Variants in UST observed in about 807,000 individuals in gnomAD.
The protein encoded by UST is uronyl 2-sulfotransferase.
UST carries 21 observed loss-of-function variants against 45.6 expected under a neutral mutation model. The observed-to-expected ratio is 0.46, with a 90% confidence interval of 0.33 to 0.66. The LOEUF (loss-of-function observed/expected upper bound fraction) is 0.66. Among genes scored for constraint, UST ranks in the 30% least tolerant of loss-of-function variants. The probability of loss-of-function intolerance (pLI) is 0.02; values close to 1 mark genes in which losing one functional copy is unlikely to be tolerated. For missense variants in UST, 463 were observed against 512.4 expected, an observed-to-expected ratio of 0.90 and a Z score of 0.93; for synonymous variants, 215 against 200.6, an observed-to-expected ratio of 1.07 and a Z score of -0.61.
chr6:148,902,503 T>C (rs566673768), intron 2 of UST, among the ~76,000 whole-genome samples: 1 of 152,136 alleles, frequency 6.6e-6, no homozygotes, highest in East Asian at 1.9e-4. Context: ...CCCAAAGTGC[T>C]AGGATTACAG....
chr6:148,979,641 A>G (rs1781090891), intron 5 of UST, among the ~76,000 whole-genome samples: 1 of 152,238 alleles, frequency 6.6e-6, no homozygotes, highest in Admixed American at 6.5e-5. Context: ...GTCCTTGAAA[A>G]GAATGTTGAT....
At chr6:148,968,120 T>G (rs551584729) in intron 5 of UST, among the ~76,000 whole-genome samples, 2 of 152,216 alleles carry the variant, frequency 1.3e-5, no homozygotes, top group Non-Finnish European at 2.9e-5. Flanking sequence ...TCAGACCTTA[T>G]GTTCCTGAAG....
At position 148,975,172 on chromosome 6, in the gene UST, C is replaced by T. The variant is rs1189840736; in HGVS notation, c.681+10609C>T. The stretch of plus-strand genomic sequence containing the variant: ...GCCGAGACCAGTCTTGATGACCGCT[C>T]ATCTTTATTTCTCTTGGTAACTATT... On this transcript the variant is annotated intron_variant, in intron 5 of 7. Transcript: ENST00000367463. 3.9e-5 allele frequency among the ~76,000 whole-genome samples: 6 copies of T among 152,324 alleles called. No individual in the cohort carries two copies. In the East Asian group the frequency reaches 7.7e-4, roughly 20 times the overall value.
In UST at chr6:149,074,294, A is replaced by G. The variant is rs1469365687; in HGVS notation, c.*178A>G. ...TTGCGGGTTTTATTTGTTTAATTTTATTCTGTGTTTTCTCTTGGCTCTTTG... is the reference window on the plus strand; with the variant it reads ...TTGCGGGTTTTATTTGTTTAATTTTGTTCTGTGTTTTCTCTTGGCTCTTTG... On this transcript the variant is annotated 3_prime_UTR_variant, in exon 8 of 8. Transcript: ENST00000367463. 2 of 692,464 alleles carry G rather than the reference A, an allele frequency of 2.9e-6. No homozygotes were observed. The highest frequency in any genetic ancestry group is 4.7e-6 in the Non-Finnish European group (2 of 424,232). The allele number at this position is 692,464 out of a possible 1,614,324, so 42.9% of individuals were successfully genotyped here.
rs559555418 is a variant in UST at position 148,973,376 on chromosome 6, T to C, written c.681+8813T>C. 5.3e-5 allele frequency among the ~76,000 whole-genome samples: 8 copies of C among 152,322 alleles called. No individual in the cohort carries two copies. The South Asian group carries it at 1.7e-3, about 32-fold the overall frequency. Reference sequence around the variant, plus strand: ...GCATCTGGACATCTTTTTATTTAGGTTGACGAGGCACTTGGAGTCCATTGC... The same window carrying C: ...GCATCTGGACATCTTTTTATTTAGGCTGACGAGGCACTTGGAGTCCATTGC... On this transcript the variant is annotated intron_variant, in intron 5 of 7. Transcript: ENST00000367463.
intron 5 of UST, among the ~76,000 whole-genome samples, chr6:149,004,407 G>A (rs999031968): frequency 6.6e-6 from 1 of 152,190 alleles, no homozygotes; most frequent in African/African-American, 2.4e-5. Flanking sequence ...GAGAAGTGGG[G>A]AGCAGTGTAA....
chr6:148,983,933 C>T (rs762924037), intron 5 of UST, among the ~76,000 whole-genome samples: 4 of 152,154 alleles, frequency 2.6e-5, no homozygotes, highest in East Asian at 1.9e-4. Context: ...TACAAACACA[C>T]GATAACATCG....
At chr6:148,813,049 T>C (rs1777288297) in intron 1 of UST, among the ~76,000 whole-genome samples, 1 of 152,264 alleles carries the variant, frequency 6.6e-6, no homozygotes, top group East Asian at 1.9e-4. Flanking sequence ...TTCATGTATA[T>C]ATACACACAT....
intron 5 of UST, among the ~76,000 whole-genome samples, chr6:148,975,742 C>T (rs1056953273): frequency 5.3e-5 from 8 of 152,186 alleles, no homozygotes; most frequent in Admixed American, 3.9e-4. Flanking sequence ...AAAAATTAGA[C>T]CGTTAAGGAA....
chr6:148,970,242 C>G (rs947451048), intron 5 of UST, among the ~76,000 whole-genome samples: 1 of 152,086 alleles, frequency 6.6e-6, no homozygotes, highest in African/African-American at 2.4e-5. Context: ...AGAGGAGGGA[C>G]CAACAAAGGG....
At chr6:149,073,741 A>C (rs769686729) in intron 7 of UST, 92 bp from the exon 8 acceptor site, 10 of 1,470,126 alleles carry the variant, frequency 6.8e-6, no homozygotes, top group Non-Finnish European at 9.2e-6. Context: ...CTTAGGTGCT[A>C]CCAGAGTTGT....
intron 2 of UST, among the ~76,000 whole-genome samples, chr6:148,916,611 C>T (rs970587625): frequency 2.2e-4 from 33 of 152,256 alleles, no homozygotes; most frequent in Non-Finnish European, 3.1e-4. Flanking sequence ...TCTGAGCTCC[C>T]GTCCTCCTTT....
chr6:149,021,847 C>T (rs1223723687), intron 7 of UST, among the ~76,000 whole-genome samples: 2 of 152,118 alleles, frequency 1.3e-5, no homozygotes, highest in Non-Finnish European at 2.9e-5. Context: ...CAAATGAATC[C>T]GTGTGTGTGC....
chr6:148,975,420 AT>A (rs1193476100), intron 5 of UST, among the ~76,000 whole-genome samples: 1 of 152,100 alleles, frequency 6.6e-6, no homozygotes, highest in Non-Finnish European at 1.5e-5. Context: ...TGCACGTGCA[AT>A]TTCAACATAT....
chr6:149,022,880 G>A (rs569780174), intron 7 of UST, among the ~76,000 whole-genome samples: 1 of 152,214 alleles, frequency 6.6e-6, no homozygotes, highest in East Asian at 1.9e-4. Flanking sequence ...TACCTGAGTG[G>A]GGTTGTGAAA....
intron 1 of UST, among the ~76,000 whole-genome samples, chr6:148,800,550 G>A (rs1257671952): frequency 7.2e-6 from 1 of 139,800 alleles, no homozygotes. Flanking sequence ...TGTGACCTGC[G>A]TTACTGGTTA....
chr6:149,047,883 A>G (rs1282239619), intron 7 of UST, among the ~76,000 whole-genome samples: 1 of 152,236 alleles, frequency 6.6e-6, no homozygotes, highest in East Asian at 1.9e-4. Flanking sequence ...TTGCCCAACA[A>G]GATTCAAAAA....
chr6:149,006,742 G>A (rs1187052546), intron 5 of UST, among the ~76,000 whole-genome samples: 1 of 152,144 alleles, frequency 6.6e-6, no homozygotes, highest in Admixed American at 6.5e-5. Context: ...TTTCTCCACA[G>A]CCTCGCCAGC....
At chr6:148,759,402 C>A (rs1254626142) in intron 1 of UST, among the ~76,000 whole-genome samples, 1 of 151,320 alleles carries the variant, frequency 6.6e-6, no homozygotes, top group Non-Finnish European at 1.5e-5. Flanking sequence ...TCGCGGGCGC[C>A]TGTAGTCCCA....
Sources: allele counts gnomAD v4.1 joint callset (sites outside exome capture counted in the v4.1 genomes callset), GRCh38; gene constraint gnomAD v4.1.1; transcripts MANE v1.5; gene names NCBI Gene and HGNC (gene_info 2026-07-23, HGNC 2026-07-21).